The following ATG16L2 variants were observed in gnomAD, a reference collection of about 807,000 sequenced individuals.
ATG16L2 encodes protein Atg16l2.
Under a neutral mutation model 84.7 loss-of-function variants are expected in ATG16L2, and 77 were observed. The observed-to-expected ratio is 0.91, with a 90% CI of 0.76 to 1.10. The LOEUF is 1.10. Among genes scored for constraint, ATG16L2 ranks in the 50% least tolerant of loss-of-function variants. ATG16L2 has a pLI of 0.00. For missense variants in ATG16L2, 782 were observed against 817.6 expected (o/e 0.96, Z 0.53); for synonymous variants, 361 against 342.8 (o/e 1.05, Z -0.59).
intron 12 of ATG16L2, 33 bp downstream of exon 12, chr11:72,826,622 C>CA (rs1860373330): frequency 3.1e-6 from 5 of 1,614,128 alleles, no homozygotes; most frequent in East Asian, 2.2e-5. Flanking sequence ...GCCTGGAGGT[C>CA]AGAGGTCATA....
chr11:72,818,417 T>G (rs1430735847), intron 3 of ATG16L2: 1 of 152,876 alleles, frequency 6.5e-6, no homozygotes, highest in Non-Finnish European at 1.5e-5. Context: ...CAAATGTGGG[T>G]GTTCTTGGGG....
chr11:72,826,496 A>G (rs1565269695), intron 11 of ATG16L2, 22 bp from the exon 12 acceptor site: 3 of 1,613,508 alleles, frequency 1.9e-6, no homozygotes, highest in Non-Finnish European at 1.7e-6. Flanking sequence ...AGCACCTCTC[A>G]CTTCCTCTCC....
chr11:72,843,061 G>A, exon 6 of ATG16L2: 4 of 1,279,630 alleles, frequency 3.1e-6, no homozygotes, highest in African/African-American at 1.5e-5. Context: ...GAGGAAAGTT[G>A]TGCTTTTTAT....
At chr11:72,831,958 C>T (rs1015468566), downstream of ATG16L2, among the ~76,000 whole-genome samples, 8 of 152,292 alleles carry the variant, frequency 5.3e-5, no homozygotes, top group East Asian at 1.4e-3. Flanking sequence ...GGTGTGTGTG[C>T]CCCCTGCCTG....
downstream of ATG16L2, among the ~76,000 whole-genome samples, chr11:72,832,899 G>A (rs372792786): frequency 2.6e-5 from 4 of 152,182 alleles, no homozygotes; most frequent in Non-Finnish European, 4.4e-5. Flanking sequence ...ACTTCCAGGC[G>A]CTCATATCCC....
chr11:72,842,889 T>C (rs1861005540), exon 6 of ATG16L2: 2 of 1,499,326 alleles, frequency 1.3e-6, no homozygotes, highest in Non-Finnish European at 9.2e-7. Context: ...TAACAGCCGG[T>C]TGCTTTTGCA....
chr11:72,822,131 T>C lies in ATG16L2; in HGVS notation c.480T>C (p.Asn160=). The change falls in exon 5 of 18, where the codon AAT becomes AAC. Residue 160 remains asparagine, a synonymous_variant. Coordinates refer to ENST00000321297, the MANE Select transcript of ATG16L2 (RefSeq NM_033388.2). This position sits in a 1 kb window ranked among gnomAD's most constrained non-coding sequence, Gnocchi z 4.2. Reference sequence around the variant, plus strand: ...AGGTGGAGGAGTGGCGGGCGCAGAATGCGGTGCAGCGGGCAGCCTACGAGG... The same window carrying C: ...AGGTGGAGGAGTGGCGGGCGCAGAACGCGGTGCAGCGGGCAGCCTACGAGG... ...AQQVEEWRAQ[N]AVQRAAYEAL... is the part of the protein sequence containing the mutation. The C allele has an allele frequency of 3.3e-6, 5 of 1,508,534 alleles. No homozygotes were observed. Among genetic ancestry groups the C allele is most frequent in the South Asian group, 1.2e-5 (1 of 80,276 alleles). The allele number at this position is 1,508,534 out of a possible 1,614,324, so 93.4% of individuals were successfully genotyped here.
At position 72,843,416 on chromosome 11, in the gene ATG16L2, A is replaced by G. The variant is rs188595798; in HGVS notation, c.*821A>G. On this transcript the variant is annotated 3_prime_UTR_variant, in exon 6 of 6. Transcript: ENST00000534905. ...ACCAAAACAAACTCCTAAAAATGTC[A>G]CAAGAAAGGGCGATATGAGCAAAGG... is the stretch of plus-strand genomic sequence containing the variant. The G allele has an allele frequency of 2.7e-4, 436 of 1,608,130 alleles. No homozygotes were observed. In the African/African-American group the frequency reaches 5.0e-3, roughly 18 times the overall value.
chr11:72,840,121 A>G (rs1591326981), intron 5 of ATG16L2, among the ~76,000 whole-genome samples: 1 of 152,042 alleles, frequency 6.6e-6, no homozygotes, highest in South Asian at 2.1e-4. Flanking sequence ...CCTTTCTGCC[A>G]CCCTCCATCC....
Position 72,826,832 on chromosome 11 carries a change from G to A in ATG16L2, c.1366+9G>A, listed in dbSNP as rs765181809. ...CCTCGGCCGTGCCTATTGTGAGCCCGAGCCCCAGCCCCACCTCTCCTCCCC... is the reference window on the plus strand; with the variant it reads ...CCTCGGCCGTGCCTATTGTGAGCCCAAGCCCCAGCCCCACCTCTCCTCCCC... On this transcript the variant is annotated intron_variant, in intron 13 of 17. Coordinates refer to ENST00000321297, the MANE Select transcript of ATG16L2 (RefSeq NM_033388.2). 1.7e-5 allele frequency: 28 copies of A among 1,611,776 alleles called. No individual in the cohort carries two copies. The highest frequency in any genetic ancestry group is 1.2e-4 in the Admixed American group (7 of 59,742).
At chr11:72,824,024 C>G (rs1860178758) in intron 7 of ATG16L2, 36 bp from the exon 8 acceptor site, 1 of 1,612,418 alleles carries the variant, frequency 6.2e-7, no homozygotes, top group Non-Finnish European at 8.5e-7. Context: ...ACACACCAGC[C>G]AGTCCCTTAG....
chr11:72,827,965 AAAC>A (rs1860461631), intron 14 of ATG16L2, among the ~76,000 whole-genome samples: 1 of 152,112 alleles, frequency 6.6e-6, no homozygotes, highest in Non-Finnish European at 1.5e-5. Context: ...AAACAAAACA[AAAC>A]AAAAAAACAA....
chr11:72,824,907 T>TCGGCACCAGGGGTGGTCC (rs1468346628), intron 9 of ATG16L2, 65 bp downstream of exon 9: 2 of 1,385,940 alleles, frequency 1.4e-6, no homozygotes, highest in Admixed American at 2.4e-5. Flanking sequence ...AGGGGTGGTC[T>TCGGCACCAGGGGTGGTCC]CGGCACCAGG....
chr11:72,821,826 C>T (rs953624552), intron 4 of ATG16L2, 85 bp downstream of exon 4: 3 of 1,485,914 alleles, frequency 2.0e-6, no homozygotes, highest in Middle Eastern at 2.4e-4. Flanking sequence ...GGGAATGGCG[C>T]GGGCCGAGAT....
intron 3 of ATG16L2, among the ~76,000 whole-genome samples, chr11:72,819,664 C>T (rs960948681): frequency 1.3e-5 from 2 of 152,314 alleles, no homozygotes. Context: ...CCCTGGCCCC[C>T]AGCACTCCTT....
chr11:72,829,560 T>G lies in ATG16L2; in HGVS notation c.*170T>G. 7.3e-7 allele frequency: 1 copy of G among 1,379,150 alleles called. No individual in the cohort carries two copies. The highest frequency in any genetic ancestry group is 1.7e-5 in the South Asian group (1 of 58,384). The allele number at this position is 1,379,150 out of a possible 1,614,324, so 85.4% of individuals were successfully genotyped here. On this transcript the variant is annotated 3_prime_UTR_variant, in exon 18 of 18. Transcript: ENST00000321297. Reference sequence around the variant, plus strand: ...AAAAATGAAGTATGGGTTGGGGGATTACGCTAGTTTTTCTTTGTATTTTTA... The same window carrying G: ...AAAAATGAAGTATGGGTTGGGGGATGACGCTAGTTTTTCTTTGTATTTTTA...
rs1461704563 is a variant in ATG16L2 at position 72,826,210 on chromosome 11, T to C, written c.1140T>C (p.Gly380=). ...LEANQTLEGA[G]GSITSVDFDP... is the part of the protein sequence containing the mutation. ...CCAACCAGACCCTGGAGGGAGCTGG[T>C]GGCAGCATCACCAGTGTGGACTTTG... The change falls in exon 11 of 18, where the codon GGT becomes GGC. Residue 380 remains glycine, a synonymous_variant. Coordinates refer to ENST00000321297, the MANE Select transcript of ATG16L2 (RefSeq NM_033388.2). 6.2e-7 allele frequency: 1 copy of C among 1,613,886 alleles called. No individual in the cohort carries two copies. The highest frequency in any genetic ancestry group is 1.3e-5 in the African/African-American group (1 of 74,932).
In ATG16L2 at chr11:72,822,751, C is replaced by T; in HGVS notation, c.711-97C>T. 1 of 1,089,114 alleles carries T rather than the reference C, an allele frequency of 9.2e-7. No homozygotes were observed. 67.5% of individuals were successfully genotyped at this position (1,089,114 alleles called of 1,614,324 possible). Reference sequence around the variant, plus strand: ...CACGTGTACACCCACACAGAACCCTCATCACTGGGAATTCCTGTCTTCAGC... The same window carrying T: ...CACGTGTACACCCACACAGAACCCTTATCACTGGGAATTCCTGTCTTCAGC... On this transcript the variant is annotated intron_variant, in intron 6 of 17. Transcript: ENST00000321297. This position sits in a 1 kb window ranked among gnomAD's most constrained non-coding sequence, Gnocchi z 4.2.
intron 5 of ATG16L2, chr11:72,837,730 G>A (rs921422510): frequency 2.0e-5 from 3 of 152,200 alleles, no homozygotes; most frequent in African/African-American, 7.2e-5. Context: ...TTTCCTCCAC[G>A]AGCCACCAGG....
Sources: gnomAD v4.1 joint callset for allele counts (sites outside exome capture counted in the v4.1 genomes callset) on GRCh38, gnomAD v4.1.1 for gene constraint, Gnocchi (gnomAD v3.1) non-coding constraint, MANE v1.5 for transcripts, NCBI Gene and HGNC (gene_info 2026-07-23, HGNC 2026-07-21) for gene names.